STAU2: variants seen among roughly 807,000 people sequenced by gnomAD.
STAU2 encodes the protein double-stranded RNA-binding protein Staufen homolog 2.
In STAU2, 20 loss-of-function variants were observed where a neutral mutation model predicts 65.9. The ratio of observed to expected loss-of-function variants is 0.30; its 90% confidence interval spans 0.21 to 0.44. The LOEUF (loss-of-function observed/expected upper bound fraction) is 0.44, where lower values mean the gene tolerates loss of function less well. Among genes scored for constraint, STAU2 ranks in the 20% least tolerant of loss-of-function variants. The pLI, the probability that STAU2 is intolerant of heterozygous loss-of-function variation, is 1.00. For missense variants in STAU2, 558 were observed against 683.9 expected (o/e 0.82, Z 2.05); for synonymous variants, 232 against 233.9 (o/e 0.99, Z 0.07).
At chr8:73,663,484 G>A (rs541916150) in intron 6 of STAU2, among the ~76,000 whole-genome samples, 1 of 152,026 alleles carries the variant, frequency 6.6e-6, no homozygotes, top group East Asian at 1.9e-4. Flanking sequence ...GATTATTGTA[G>A]CTTTATAGCA....
At chr8:73,522,883 T>C (rs1198472010) in intron 13 of STAU2, among the ~76,000 whole-genome samples, 1 of 151,972 alleles carries the variant, frequency 6.6e-6, no homozygotes, top group Non-Finnish European at 1.5e-5. Flanking sequence ...TTAGACCACT[T>C]TTTGTAGACT....
intron 11 of STAU2, among the ~76,000 whole-genome samples, chr8:73,594,941 T>C (rs1811077095): frequency 6.6e-6 from 1 of 152,236 alleles, no homozygotes; most frequent in East Asian, 1.9e-4. Flanking sequence ...ATAAAATATG[T>C]ACAACCATAC....
At chr8:73,508,595 A>G (rs1822199177) in intron 13 of STAU2, among the ~76,000 whole-genome samples, 2 of 152,230 alleles carry the variant, frequency 1.3e-5, no homozygotes, top group South Asian at 2.1e-4. Flanking sequence ...AAGTGGGCAC[A>G]TGTTGTTGGA....
At chr8:73,443,761 T>C (rs867106052) in intron 13 of STAU2, among the ~76,000 whole-genome samples, 3 of 151,834 alleles carry the variant, frequency 2.0e-5, no homozygotes, top group Non-Finnish European at 4.4e-5. Context: ...CGTGGGAGGA[T>C]TGTTTGAGCC....
At chr8:73,541,281 TA>T (rs1806525728) in intron 13 of STAU2, among the ~76,000 whole-genome samples, 1 of 152,050 alleles carries the variant, frequency 6.6e-6, no homozygotes, top group African/African-American at 2.4e-5. Flanking sequence ...AATATAAGCA[TA>T]AACTCAGCCC....
intron 12 of STAU2, among the ~76,000 whole-genome samples, chr8:73,577,424 C>T (rs1809650566): frequency 7.6e-6 from 1 of 132,134 alleles, no homozygotes; most frequent in East Asian, 2.1e-4. Context: ...AAGACTCCAT[C>T]TCAAAAAAAA....
chr8:73,605,884 C>CACAT (rs1586106076), intron 9 of STAU2, among the ~76,000 whole-genome samples: 23 of 112,666 alleles, frequency 2.0e-4, no homozygotes, highest in East Asian at 9.6e-4. Context: ...CACATACACA[C>CACAT]ACACACACAC....
At chr8:73,710,076 G>A (rs983594657) in intron 3 of STAU2, among the ~76,000 whole-genome samples, 1 of 151,984 alleles carries the variant, frequency 6.6e-6, no homozygotes, top group African/African-American at 2.4e-5. Flanking sequence ...CTCTTAAAGA[G>A]AGCATGCTGT....
chr8:73,634,694 C>T (rs1041609542), intron 6 of STAU2, among the ~76,000 whole-genome samples: 1 of 152,192 alleles, frequency 6.6e-6, no homozygotes, highest in Non-Finnish European at 1.5e-5. Context: ...ACACTAGTCT[C>T]CTTTCTGCTC....
At chr8:73,544,931 T>C (rs1806799339) in intron 13 of STAU2, among the ~76,000 whole-genome samples, 2 of 152,174 alleles carry the variant, frequency 1.3e-5, no homozygotes, top group South Asian at 2.1e-4. Context: ...AACTTGACCA[T>C]AACTCCCCGA....
intron 13 of STAU2, among the ~76,000 whole-genome samples, chr8:73,484,625 G>A (rs1055171785): frequency 3.3e-5 from 5 of 152,076 alleles, no homozygotes; most frequent in Non-Finnish European, 5.9e-5. Context: ...ATCTTAGTTT[G>A]TAAGGTGGAT....
At chr8:73,517,531 T>C (rs1032386919) in intron 13 of STAU2, among the ~76,000 whole-genome samples, 2 of 152,212 alleles carry the variant, frequency 1.3e-5, no homozygotes, top group African/African-American at 2.4e-5. Flanking sequence ...TTGGGTTCTA[T>C]TTATACTTTG....
intron 13 of STAU2, chr8:73,550,374 A>C: frequency 3.0e-6 from 3 of 984,408 alleles, no homozygotes; most frequent in Non-Finnish European, 2.4e-6. Context: ...TTAGAAATAA[A>C]AACAAATTTA....
At chr8:73,623,181 C>T (rs1438082372) in intron 6 of STAU2, among the ~76,000 whole-genome samples, 1 of 152,124 alleles carries the variant, frequency 6.6e-6, no homozygotes, top group Admixed American at 6.6e-5. Context: ...ACTTTTTATA[C>T]CACATATCCT....
chr8:73,446,694 C>T (rs183262591), intron 13 of STAU2, among the ~76,000 whole-genome samples: 6 of 152,218 alleles, frequency 3.9e-5, no homozygotes, highest in African/African-American at 1.4e-4. Flanking sequence ...AGGCTAGTCT[C>T]GAACTCCTTG....
At chr8:73,569,320 C>G (rs1411396109) in intron 12 of STAU2, among the ~76,000 whole-genome samples, 2 of 152,146 alleles carry the variant, frequency 1.3e-5, no homozygotes, top group Admixed American at 6.5e-5. Flanking sequence ...GAAGCTCGAA[C>G]TGGGTGGAGC....
chr8:73,692,936 GA>G (rs1819433998), intron 4 of STAU2, among the ~76,000 whole-genome samples: 1 of 152,034 alleles, frequency 6.6e-6, no homozygotes. Flanking sequence ...AAGGTGGGAG[GA>G]TCACTTGAGC....
Position 73,622,132 on chromosome 8 carries a change from T to G in STAU2, c.411-4681A>C, listed in dbSNP as rs1327676933. Among the ~76,000 whole-genome samples the G allele has an allele frequency of 7.2e-5, 4 of 55,870 alleles. 1 individual carries two copies. The highest frequency in any genetic ancestry group is 4.3e-4 in the African/African-American group (4 of 9,260). 36.7% of individuals were successfully genotyped at this position (55,870 alleles called of 152,430 possible). On this transcript the variant is annotated intron_variant, in intron 6 of 14. Coordinates refer to ENST00000524300, the MANE Select transcript of STAU2 (RefSeq NM_001164380.2). ...CCACCATGCCCAGCTAATTTTTTTT[T>G]TTTTTTTTTTTTTGAGACGGAGTCT...
chr8:73,651,228 T>C, intron 6 of STAU2: 1 of 770,816 alleles, frequency 1.3e-6, no homozygotes. Context: ...CAAATCTGCC[T>C]CCGCCAGAGA....
Sources: allele counts gnomAD v4.1 joint callset (sites outside exome capture counted in the v4.1 genomes callset), GRCh38; gene constraint gnomAD v4.1.1; transcripts MANE v1.5; gene names NCBI Gene and HGNC (gene_info 2026-07-23, HGNC 2026-07-21).